Variants in DPYSL2 observed in about 807,000 individuals in gnomAD.
The protein encoded by DPYSL2 is dihydropyrimidinase like 2.
Under a neutral mutation model 69.9 loss-of-function variants are expected in DPYSL2, and 13 were observed. The observed-to-expected ratio is 0.19, with a 90% confidence interval of 0.12 to 0.30. DPYSL2 has a LOEUF of 0.30. DPYSL2 is among the 10% of genes least tolerant of loss of function. The probability of loss-of-function intolerance (pLI) is 1.00; values close to 1 mark genes in which losing one functional copy is unlikely to be tolerated. For missense variants in DPYSL2, 587 were observed against 918.9 expected (o/e 0.64, Z 4.67); for synonymous variants, 326 against 359.1 (o/e 0.91, Z 1.04).
intron 3 of DPYSL2, among the ~76,000 whole-genome samples, chr8:26,618,122 C>T (rs1387511833): frequency 1.3e-5 from 2 of 152,092 alleles, no homozygotes; most frequent in Admixed American, 1.3e-4. Flanking sequence ...AAATTCAGGC[C>T]ACTGTCCTGG....
rs749914084 is a variant in DPYSL2, at chr8:26,647,728, G to A, written c.1524G>A (p.Val508=). Residue 508 remains valine (V), a synonymous_variant, in exon 11 of 14, where the codon GTG becomes GTA. Transcript: ENST00000521913. The surrounding 1 kb of genome is among the most constrained non-coding windows in gnomAD (Gnocchi z 5.1). ...NLYPRKGRIA[V]GSDADLVIWD... Reference sequence around the variant, plus strand: ...ACCCCCGGAAAGGCCGCATTGCTGTGGGATCCGATGCCGACCTGGTCATCT... The same window carrying A: ...ACCCCCGGAAAGGCCGCATTGCTGTAGGATCCGATGCCGACCTGGTCATCT... 6.2e-7 allele frequency: 1 copy of A among 1,614,100 alleles called. No individual in the cohort carries two copies. The highest frequency in any genetic ancestry group is 8.5e-7 in the Non-Finnish European group (1 of 1,180,010).
intron 1 of DPYSL2, among the ~76,000 whole-genome samples, chr8:26,545,674 G>A (rs1310325995): frequency 6.6e-6 from 1 of 152,138 alleles, no homozygotes; most frequent in Non-Finnish European, 1.5e-5. Context: ...GGCTGAGGCA[G>A]GAGAATCACT....
At chr8:26,645,166 G>A (rs1033994221) in intron 10 of DPYSL2, among the ~76,000 whole-genome samples, 2 of 152,080 alleles carry the variant, frequency 1.3e-5, no homozygotes, top group South Asian at 2.1e-4. Flanking sequence ...TTGGGAGGCC[G>A]AGGTGGGTGA....
chr8:26,541,277 T>G (rs1031926052), intron 1 of DPYSL2, among the ~76,000 whole-genome samples: 3 of 152,196 alleles, frequency 2.0e-5, no homozygotes, highest in Non-Finnish European at 4.4e-5. Context: ...AAACACAACT[T>G]TTAATCAGGA....
intron 7 of DPYSL2, among the ~76,000 whole-genome samples, chr8:26,633,363 T>C (rs1802824929): frequency 6.6e-6 from 1 of 152,206 alleles, no homozygotes; most frequent in African/African-American, 2.4e-5. Context: ...CCCTTGCTGA[T>C]TGGTGATTCC....
At chr8:26,553,937 C>T (rs1374687468) in intron 1 of DPYSL2, among the ~76,000 whole-genome samples, 2 of 147,084 alleles carry the variant, frequency 1.4e-5, no homozygotes, top group East Asian at 2.0e-4. Context: ...CTCACTCTGC[C>T]ACCCATGCTG....
At chr8:26,540,416 G>A (rs1800659884) in intron 1 of DPYSL2, among the ~76,000 whole-genome samples, 1 of 152,182 alleles carries the variant, frequency 6.6e-6, no homozygotes, top group Non-Finnish European at 1.5e-5. Context: ...TCTAGAAGGA[G>A]AAGAGAGAAA....
rs1803204108 is a variant in DPYSL2 at position 26,647,839 on chromosome 8, T to C, written c.1596+39T>C. On this transcript the variant is annotated intron_variant, in intron 11 of 13. Coordinates refer to ENST00000521913, the MANE Select transcript of DPYSL2 (RefSeq NM_001197293.3). This position sits in a 1 kb window ranked among gnomAD's most constrained non-coding sequence, Gnocchi z 5.1. ...ACTGTGCAGACCCCATCCAAACGAA[T>C]TACAGTCACAGAGACACAGACGGAG... 1 of 1,566,358 alleles carries C rather than the reference T, an allele frequency of 6.4e-7. No homozygotes were observed.
Position 26,656,786 on chromosome 8 carries a change from C to T in DPYSL2, c.*1080C>T, listed in dbSNP as rs1803402485. On this transcript the variant is annotated 3_prime_UTR_variant, in exon 14 of 14. Coordinates refer to ENST00000521913, the MANE Select transcript of DPYSL2 (RefSeq NM_001197293.3). ...TGCAGGAATGGGCCATGCCGTCTCA[C>T]CCACAGTATCACACGTGGAACCGCA... 6.5e-6 allele frequency: 1 copy of T among 152,768 alleles called. No individual in the cohort carries two copies. The highest frequency in any genetic ancestry group is 1.5e-5 in the Non-Finnish European group (1 of 68,162). 9.5% of individuals were successfully genotyped at this position (152,768 alleles called of 1,614,324 possible). A position where few individuals can be genotyped will look rare whatever the true frequency, so the allele number is the denominator to read the frequency against.
chr8:26,563,808 C>T (rs1801109726), intron 1 of DPYSL2, among the ~76,000 whole-genome samples: 1 of 152,160 alleles, frequency 6.6e-6, no homozygotes, highest in Non-Finnish European at 1.5e-5. Flanking sequence ...TATCATATCC[C>T]TTGGCACATA....
Position 26,562,711 on chromosome 8 carries a change from A to C in DPYSL2, c.355-19258A>C, listed in dbSNP as rs1264278789. Among the ~76,000 whole-genome samples the C allele has an allele frequency of 6.6e-6, 1 of 152,210 alleles. No homozygotes were observed. The highest frequency in any genetic ancestry group is 1.5e-5 in the Non-Finnish European group (1 of 68,040). On this transcript the variant is annotated intron_variant, in intron 1 of 13. Transcript: ENST00000521913. The surrounding 1 kb of genome is among the most constrained non-coding windows in gnomAD (Gnocchi z 4.9). ...GCCCCAAAATATAGTGGCAAAGACC[A>C]ACAACACTCTTACTGTGCTCATGGA...
In DPYSL2 at chr8:26,657,511, G is replaced by A. The variant is rs1038979636; in HGVS notation, c.*1805G>A. 5 of 152,580 alleles carry A rather than the reference G, an allele frequency of 3.3e-5. No homozygotes were observed. Among genetic ancestry groups the A allele is most frequent in the African/African-American group, 1.2e-4 (5 of 41,416 alleles). 9.5% of individuals were successfully genotyped at this position (152,580 alleles called of 1,614,324 possible). A position where few individuals can be genotyped will look rare whatever the true frequency, so the allele number is the denominator to read the frequency against. ...TCTCTCTACACATTTTGCCTTTGGG[G>A]ATCTGGTTGGGGTTTTGGGTTTTTT... is the stretch of plus-strand genomic sequence containing the variant. On this transcript the variant is annotated 3_prime_UTR_variant, in exon 14 of 14. Coordinates refer to ENST00000521913, the MANE Select transcript of DPYSL2 (RefSeq NM_001197293.3).
chr8:26,622,158 C>CCTCCCTCT (rs1554544254), intron 3 of DPYSL2, among the ~76,000 whole-genome samples: 2 of 36,398 alleles, frequency 5.5e-5, no homozygotes, highest in East Asian at 8.0e-4. Context: ...TCCTTCCTTC[C>CCTCCCTCT]CTCTCTCTCT....
At position 26,627,410 on chromosome 8, in the gene DPYSL2, G is replaced by GTCCCTC; in HGVS notation, c.936+116_936+117insCCCTCT. 9.3e-7 allele frequency: 1 copy of GTCCCTC among 1,079,330 alleles called. No individual in the cohort carries two copies. Among genetic ancestry groups the GTCCCTC allele is most frequent in the Non-Finnish European group, 1.4e-6 (1 of 718,334 alleles). 66.9% of individuals were successfully genotyped at this position (1,079,330 alleles called of 1,614,324 possible). ...CAAGGTGGAAAAGCAGAGGGACCTG[G>GTCCCTC]TGTTCCCTTGCTGGAGCTCTGCTCA... On this transcript the variant is annotated intron_variant, in intron 6 of 13. Coordinates refer to ENST00000521913, the MANE Select transcript of DPYSL2 (RefSeq NM_001197293.3). This position sits in a 1 kb window ranked among gnomAD's most constrained non-coding sequence, Gnocchi z 6.9.
In DPYSL2 at chr8:26,644,178, A is replaced by C. The variant is rs925273173; in HGVS notation, c.1425+87A>C. 8 of 1,504,320 alleles carry C rather than the reference A, an allele frequency of 5.3e-6. No individual in the cohort carries two copies. Among genetic ancestry groups the C allele is most frequent in the Non-Finnish European group, 5.4e-6 (6 of 1,118,296 alleles). 93.2% of individuals were successfully genotyped at this position (1,504,320 alleles called of 1,614,324 possible). On this transcript the variant is annotated intron_variant, in intron 10 of 13. Coordinates refer to ENST00000521913, the MANE Select transcript of DPYSL2 (RefSeq NM_001197293.3). This position sits in a 1 kb window ranked among gnomAD's most constrained non-coding sequence, Gnocchi z 4.5. ...GGCCATGGGGCTCATGGAGGCCTTG[A>C]AATGACAGACAGTGGAGGACATCCT...
chr8:26,653,498 A>G lies in DPYSL2; in HGVS notation c.1942+101A>G. The G allele has an allele frequency of 8.2e-7, 1 of 1,214,578 alleles. No individual in the cohort carries two copies. Among genetic ancestry groups the G allele is most frequent in the Non-Finnish European group, 1.2e-6 (1 of 862,172 alleles). The allele number at this position is 1,214,578 out of a possible 1,614,324, so 75.2% of individuals were successfully genotyped here. Reference sequence around the variant, plus strand: ...GGAAAGGACACAGAAATAGAAGTGAATGATATTCCCTTTCTCTCCAACGTG... The same window carrying G: ...GGAAAGGACACAGAAATAGAAGTGAGTGATATTCCCTTTCTCTCCAACGTG... On this transcript the variant is annotated intron_variant, in intron 13 of 13. Coordinates refer to ENST00000521913, the MANE Select transcript of DPYSL2 (RefSeq NM_001197293.3). This position sits in a 1 kb window ranked among gnomAD's most constrained non-coding sequence, Gnocchi z 5.7.
In DPYSL2 at chr8:26,598,638, C is replaced by T. The variant is rs564469201; in HGVS notation, c.628+14655C>T. On this transcript the variant is annotated intron_variant, in intron 3 of 13. Coordinates refer to ENST00000521913, the MANE Select transcript of DPYSL2 (RefSeq NM_001197293.3). The surrounding 1 kb of genome is among the most constrained non-coding windows in gnomAD (Gnocchi z 4.2). ...TTTGAGGCATTTGATCATTTTTTCC[C>T]GTTAGCTTACAGCACAAAGTACTTT... 5.3e-5 allele frequency among the ~76,000 whole-genome samples: 8 copies of T among 152,250 alleles called. No individual in the cohort carries two copies. The highest frequency in any genetic ancestry group is 4.1e-4 in the South Asian group (2 of 4,826).
Position 26,626,129 on chromosome 8 carries a change from C to T in DPYSL2, c.794-488C>T, listed in dbSNP as rs953341127. Among the ~76,000 whole-genome samples the T allele has an allele frequency of 1.3e-5, 2 of 152,134 alleles. No individual in the cohort carries two copies. Among genetic ancestry groups the T allele is most frequent in the Middle Eastern group, 3.2e-3 (1 of 316 alleles). On this transcript the variant is annotated intron_variant, in intron 4 of 13. Coordinates refer to ENST00000521913, the MANE Select transcript of DPYSL2 (RefSeq NM_001197293.3). The surrounding 1 kb of genome is among the most constrained non-coding windows in gnomAD (Gnocchi z 4.3). The stretch of plus-strand genomic sequence containing the variant: ...GGCTTATTTCATTTACCATGATGTC[C>T]TTAAGGTTTCTCCATGTTGTAGCAT...
chr8:26,603,073 A>T (rs1270643887), intron 3 of DPYSL2, among the ~76,000 whole-genome samples: 1 of 152,216 alleles, frequency 6.6e-6, no homozygotes, highest in African/African-American at 2.4e-5. Context: ...GGATTTGACC[A>T]TAGGATGTTT....
Sources: gnomAD v4.1 joint callset for allele counts (sites outside exome capture counted in the v4.1 genomes callset) on GRCh38, gnomAD v4.1.1 for gene constraint, Gnocchi (gnomAD v3.1) non-coding constraint, MANE v1.5 for transcripts, NCBI Gene and HGNC (gene_info 2026-07-23, HGNC 2026-07-21) for gene names.